INF2: variants seen among roughly 807,000 people sequenced by gnomAD.
INF2 encodes inverted formin-2.
In INF2, 43 loss-of-function variants were observed where a neutral mutation model predicts 123.5. The ratio of observed to expected loss-of-function variants is 0.35; its 90% confidence interval spans 0.27 to 0.45. The LOEUF (loss-of-function observed/expected upper bound fraction) is 0.45. Ranked by LOEUF, INF2 falls within the 20% of genes least tolerant of loss-of-function variation. INF2 has a pLI of 1.00. For missense variants in INF2, 1,453 were observed against 1,682.7 expected (o/e 0.86, Z 2.39); for synonymous variants, 851 against 745.0 (o/e 1.14, Z -2.32).
chr14:104,705,990 G>C, intron 5 of INF2, 45 bp from the exon 6 acceptor site: 2 of 1,590,626 alleles, frequency 1.3e-6, no homozygotes, highest in South Asian at 2.2e-5. Flanking sequence ...CTGCGTGTTG[G>C]TGGTGGCAGC....
rs775116734 is a variant in INF2, at chr14:104,714,535, G to A, written c.3373G>A (p.Gly1125Arg). 28 of 1,612,642 alleles carry A rather than the reference G, an allele frequency of 1.7e-5. No individual in the cohort carries two copies. Among genetic ancestry groups the A allele is most frequent in the Admixed American group, 3.3e-5 (2 of 59,996 alleles). Residue 1125 changes from glycine (G) to arginine (R), a missense_variant, in exon 21 of 23, where the codon GGA becomes AGA. Coordinates refer to ENST00000392634, the MANE Select transcript of INF2 (RefSeq NM_022489.4). ...CTCCAGCAACCAGCCCCCTGCAGCC[G>A]GAAGTTCAAGGCAAGATGCCAAGGA... ...KFSSNQPPAA[G>R]SSRQDAKDPT...
At position 104,707,926 on chromosome 14, in the gene INF2, C is replaced by T; in HGVS notation, c.1659C>T (p.Ser553=). 6.2e-7 allele frequency: 1 copy of T among 1,601,124 alleles called. No homozygotes were observed. Among genetic ancestry groups the T allele is most frequent in the Non-Finnish European group, 8.5e-7 (1 of 1,179,694 alleles). Residue 553 remains serine, a synonymous_variant, in exon 8 of 23, where the codon AGC becomes AGT. Coordinates refer to ENST00000392634, the MANE Select transcript of INF2 (RefSeq NM_022489.4). The part of the protein sequence containing the change: ...DHGLGSAWVP[S]HRRVNPPTLR... The stretch of plus-strand genomic sequence containing the variant: ...GCTTGGGCTCAGCATGGGTCCCCAG[C>T]CATCGGCGGGTGAACCCACCCACAC...
intron 16 of INF2, among the ~76,000 whole-genome samples, chr14:104,712,025 G>A (rs1890074264): frequency 6.6e-6 from 1 of 152,154 alleles, no homozygotes; most frequent in South Asian, 2.1e-4. Flanking sequence ...CTCCCTCATT[G>A]TATAGATGAG....
intron 1 of INF2, 137 bp from the exon 2 acceptor site, chr14:104,701,220 T>A (rs2140636848): frequency 9.7e-7 from 1 of 1,031,634 alleles, no homozygotes; most frequent in East Asian, 2.6e-5. Context: ...GTGCTACCCC[T>A]AACCCTCAGC....
At chr14:104,683,453 G>A (rs187906274) in intron 1 of INF2, among the ~76,000 whole-genome samples, 16 of 152,244 alleles carry the variant, frequency 1.1e-4, no homozygotes, top group South Asian at 8.3e-4. Context: ...CCCTGGAGCC[G>A]TGGGGCAGGG....
chr14:104,717,635 T>C (rs948923956), intron 22 of INF2: 2 of 152,208 alleles, frequency 1.3e-5, no homozygotes, highest in African/African-American at 4.8e-5. Flanking sequence ...GTTTGCCTGA[T>C]TGCGCCCCCA....
At chr14:104,710,025 T>A (rs1889970643) in intron 12 of INF2, 63 bp from the exon 13 acceptor site, 1 of 1,344,342 alleles carries the variant, frequency 7.4e-7, no homozygotes, top group Non-Finnish European at 1.0e-6. Context: ...CTGTGCTGAG[T>A]GCCCCTCTGG....
At chr14:104,712,203 G>A (rs1012529136) in intron 16 of INF2, among the ~76,000 whole-genome samples, 17 of 152,142 alleles carry the variant, frequency 1.1e-4, no homozygotes, top group African/African-American at 2.2e-4. Context: ...GCCTTGGGGA[G>A]AACTAGGCAA....
intron 1 of INF2, chr14:104,690,419 A>G (rs12147772): frequency 0.51 from 77,142 of 152,260 alleles, 19,669 homozygotes; most frequent in East Asian, 0.62. Flanking sequence ...ACCGTCCCCA[A>G]TGCCCCCTGG....
At position 104,718,902 on chromosome 14, in the gene INF2, A is replaced by T; in HGVS notation, c.*109A>T. On this transcript the variant is annotated 3_prime_UTR_variant, in exon 23 of 23. Coordinates refer to ENST00000392634, the MANE Select transcript of INF2 (RefSeq NM_022489.4). ...GGGCCAGGCTGGGACTGGGCCCCGGAAACCAAAACTCCGTGCCTTACCCAG... is the reference window on the plus strand; with the variant it reads ...GGGCCAGGCTGGGACTGGGCCCCGGTAACCAAAACTCCGTGCCTTACCCAG... 1 of 1,552,350 alleles carries T rather than the reference A, an allele frequency of 6.4e-7. No homozygotes were observed. The highest frequency in any genetic ancestry group is 8.6e-7 in the Non-Finnish European group (1 of 1,156,776).
Position 104,683,527 on chromosome 14 carries a change from G to A in INF2, c.-104+1945G>A, listed in dbSNP as rs189444833. Among the ~76,000 whole-genome samples the A allele has an allele frequency of 5.7e-4, 86 of 152,160 alleles. No individual in the cohort carries two copies. The East Asian group carries it at 0.012, about 21-fold the overall frequency. ...GAGTGAAGGAGAAGGGAGAAGGCCC[G>A]CAGGGGAGGGCAGACAGTCGCAGTG... On this transcript the variant is annotated intron_variant, in intron 1 of 2. Coordinates refer to the INF2 transcript ENST00000674723.
At chr14:104,706,874 C>G in intron 6 of INF2, 36 bp from the exon 7 acceptor site, 1 of 1,597,220 alleles carries the variant, frequency 6.3e-7, no homozygotes, top group Non-Finnish European at 8.5e-7. Flanking sequence ...AGGGAGGGGC[C>G]GGCTGCTGAC....
intron 2 of INF2, 52 bp downstream of exon 2, chr14:104,701,808 G>A: frequency 1.4e-6 from 2 of 1,440,448 alleles, no homozygotes; most frequent in Non-Finnish European, 1.8e-6. Flanking sequence ...GACCTGGTAT[G>A]AGGCTTCAGG....
In INF2 at chr14:104,714,864, A is replaced by G; in HGVS notation, c.3694+8A>G. 1.9e-6 allele frequency: 3 copies of G among 1,542,142 alleles called. No individual in the cohort carries two copies. The highest frequency in any genetic ancestry group is 2.6e-6 in the Non-Finnish European group (3 of 1,149,416). Reference sequence around the variant, plus strand: ...CCTCCAGGAGCCAGGAAGGTAACTCAGGGAGGGGCCCCGGGCACCGTCCCA... The same window carrying G: ...CCTCCAGGAGCCAGGAAGGTAACTCGGGGAGGGGCCCCGGGCACCGTCCCA... On this transcript the variant is annotated splice_region_variant and intron_variant, in intron 21 of 22. Transcript: ENST00000392634.
chr14:104,710,245 G>A (rs577543512), intron 13 of INF2, 57 bp downstream of exon 13: 195 of 1,336,568 alleles, frequency 1.5e-4, no homozygotes, highest in African/African-American at 3.6e-4. Flanking sequence ...GAACCGGGGC[G>A]GGAGGGCTGC....
Position 104,707,913 on chromosome 14 carries a change from C to T in INF2, c.1646C>T (p.Ala549Val), listed in dbSNP as rs1191795011. 3.1e-6 allele frequency: 5 copies of T among 1,602,760 alleles called. No individual in the cohort carries two copies. The African/African-American group carries it at 5.3e-5, about 17-fold the overall frequency. Residue 549 changes from alanine (A) to valine (V), a missense_variant, in exon 8 of 23, where the codon GCA (alanine) becomes GTA (valine). This residue lies in a region of INF2 where 192 missense variants were observed against 274.4 expected (regional missense o/e 0.70). Transcript: ENST00000392634. Reference sequence around the variant, plus strand: ...CAGGTGGACCATGGCTTGGGCTCAGCATGGGTCCCCAGCCATCGGCGGGTG... The same window carrying T: ...CAGGTGGACCATGGCTTGGGCTCAGTATGGGTCCCCAGCCATCGGCGGGTG... Reference protein sequence around the residue: ...VAQVDHGLGSAWVPSHRRVNP... With the variant: ...VAQVDHGLGSVWVPSHRRVNP...
chr14:104,712,577 G>T, intron 17 of INF2, 24 bp downstream of exon 17: 1 of 1,612,466 alleles, frequency 6.2e-7, no homozygotes. Context: ...TGGGCCTGGG[G>T]CTGGCGGGAG....
intron 1 of INF2, 52 bp downstream of exon 1, chr14:104,689,791 G>T: frequency 1.0e-6 from 1 of 955,802 alleles, no homozygotes. Context: ...AACTGAGTCC[G>T]GGAGGAGGCA....
At chr14:104,711,787 TG>T (rs1890060179) in intron 16 of INF2, 88 bp downstream of exon 16, 1 of 1,272,102 alleles carries the variant, frequency 7.9e-7, no homozygotes, top group Non-Finnish European at 1.1e-6. Context: ...CCGCCAGGGC[TG>T]GGTCTCACAG....
Sources: allele counts gnomAD v4.1 joint callset (sites outside exome capture counted in the v4.1 genomes callset), GRCh38; gene constraint gnomAD v4.1.1; regional missense constraint gnomAD v4.1.1; transcripts MANE v1.5; gene names NCBI Gene and HGNC (gene_info 2026-07-23, HGNC 2026-07-21).